ATF7IP: variants seen among roughly 807,000 people sequenced by gnomAD.
The protein encoded by ATF7IP is activating transcription factor 7 interacting protein.
Under a neutral mutation model 106.4 loss-of-function variants are expected in ATF7IP, and 23 were observed. The ratio of observed to expected loss-of-function variants is 0.22; its 90% CI spans 0.16 to 0.31. The LOEUF is 0.31. ATF7IP is among the 10% of genes least tolerant of loss of function. The pLI, the probability that ATF7IP is intolerant of heterozygous loss-of-function variation, is 1.00. For synonymous variants in ATF7IP, 542 were observed against 539.0 expected (o/e 1.01, Z -0.08); for missense variants, 1,334 against 1,524.3 (o/e 0.88, Z 2.08).
intron 13 of ATF7IP, among the ~76,000 whole-genome samples, chr12:14,487,847 C>T (rs932954234): frequency 2.0e-5 from 3 of 152,128 alleles, no homozygotes; most frequent in Admixed American, 6.5e-5. Context: ...TAGGAGGAAC[C>T]GACCAGTTTC....
intron 1 of ATF7IP, among the ~76,000 whole-genome samples, chr12:14,372,592 G>A (rs1379847082): frequency 6.6e-6 from 1 of 151,968 alleles, no homozygotes. Flanking sequence ...TCAGAAATAT[G>A]CACTTATTCA....
intron 13 of ATF7IP, among the ~76,000 whole-genome samples, chr12:14,484,422 G>C (rs1944524235): frequency 6.6e-6 from 1 of 152,174 alleles, no homozygotes; most frequent in South Asian, 2.1e-4. Flanking sequence ...TATCTTCATA[G>C]TTTTTGTTAC....
chr12:14,481,166 G>A lies in ATF7IP; in HGVS notation c.3261G>A (p.Arg1087=), dbSNP rs1166543396. The A allele has an allele frequency of 6.8e-6, 11 of 1,613,762 alleles. No homozygotes were observed. The highest frequency in any genetic ancestry group is 9.3e-6 in the Non-Finnish European group (11 of 1,179,944). ...CTGTTATGCAGGCTCCTGCTGTTCG[G>A]CAGGTCAATCCCCAAAATAGTAAGA... The part of the protein sequence containing the change: ...RGTVMQAPAV[R]QVNPQNSVTV... The change falls in exon 13 of 15, where the codon CGG becomes CGA. Residue 1087 remains arginine (R), a synonymous_variant. Transcript: ENST00000261168.
chr12:14,469,160 C>G (rs1943944698), intron 10 of ATF7IP, among the ~76,000 whole-genome samples: 2 of 152,012 alleles, frequency 1.3e-5, no homozygotes, highest in African/African-American at 2.4e-5. Context: ...CACTTGAGGT[C>G]AGGAGTTCGA....
intron 1 of ATF7IP, among the ~76,000 whole-genome samples, chr12:14,368,685 T>C (rs905131522): frequency 7.9e-5 from 12 of 152,180 alleles, no homozygotes; most frequent in African/African-American, 2.9e-4. Flanking sequence ...AGTAGCTCAT[T>C]AACTTTTTTT....
intron 6 of ATF7IP, among the ~76,000 whole-genome samples, chr12:14,454,593 C>T (rs1164966766): frequency 6.6e-6 from 1 of 152,158 alleles, no homozygotes; most frequent in Non-Finnish European, 1.5e-5. Flanking sequence ...ATTTTCCTAA[C>T]TGTTCCAGTG....
At chr12:14,440,636 AC>A (rs11355151) in intron 5 of ATF7IP, among the ~76,000 whole-genome samples, 46,452 of 152,102 alleles carry the variant, frequency 0.31, 8,240 homozygotes, top group Admixed American at 0.45. Context: ...AAATTCAGAT[AC>A]CAAACTGTTT....
intron 13 of ATF7IP, among the ~76,000 whole-genome samples, chr12:14,495,562 A>G (rs1292796585): frequency 6.6e-6 from 1 of 152,216 alleles, no homozygotes; most frequent in Non-Finnish European, 1.5e-5. Context: ...AATAAATGGC[A>G]GGAATATAGT....
intron 1 of ATF7IP, among the ~76,000 whole-genome samples, chr12:14,377,595 G>A (rs1336318305): frequency 3.3e-5 from 5 of 151,462 alleles, no homozygotes; most frequent in Admixed American, 2.0e-4. Flanking sequence ...GACCTCGTGA[G>A]CCACCGCGCC....
intron 1 of ATF7IP, among the ~76,000 whole-genome samples, chr12:14,371,442 C>A (rs1158892677): frequency 6.6e-6 from 1 of 151,878 alleles, no homozygotes; most frequent in Non-Finnish European, 1.5e-5. Context: ...AGATATTTTA[C>A]TTTTTTGTGA....
chr12:14,392,049 C>CAA (rs1419021503), intron 1 of ATF7IP, among the ~76,000 whole-genome samples: 2 of 152,062 alleles, frequency 1.3e-5, no homozygotes, highest in African/African-American at 4.8e-5. Flanking sequence ...TGGAATGAGG[C>CAA]AAGTTACTTA....
intron 1 of ATF7IP, among the ~76,000 whole-genome samples, chr12:14,399,742 C>G (rs1425707320): frequency 6.6e-6 from 1 of 151,892 alleles, no homozygotes; most frequent in Non-Finnish European, 1.5e-5. Context: ...TTTTAATATA[C>G]TATTTTAAAA....
intron 12 of ATF7IP, 52 bp downstream of exon 12, chr12:14,478,524 T>C: frequency 6.3e-7 from 1 of 1,591,196 alleles, no homozygotes; most frequent in South Asian, 1.1e-5. Flanking sequence ...TGTAGAGAAC[T>C]ATGACTATGG....
At position 14,498,911 on chromosome 12, in the gene ATF7IP, A is replaced by G. The variant is rs758283378; in HGVS notation, c.*838A>G. On this transcript the variant is annotated 3_prime_UTR_variant, in exon 15 of 15. Transcript: ENST00000261168. ...GCCCAGGCTAGAGTGCGGTGGCACA[A>G]TCTTGGCTCACTGCAACCTCTGCCT... 2.6e-5 allele frequency: 4 copies of G among 152,434 alleles called. No individual in the cohort carries two copies. The highest frequency in any genetic ancestry group is 5.8e-5 in the Non-Finnish European group (4 of 68,442). 9.4% of individuals were successfully genotyped at this position (152,434 alleles called of 1,614,324 possible).
chr12:14,452,842 CTT>C (rs1317911953), intron 6 of ATF7IP, among the ~76,000 whole-genome samples: 1 of 152,134 alleles, frequency 6.6e-6, no homozygotes, highest in Non-Finnish European at 1.5e-5. Context: ...TGCATACACT[CTT>C]TAGTTTCCAC....
chr12:14,430,045 A>G (rs888304078), intron 2 of ATF7IP, among the ~76,000 whole-genome samples: 6 of 152,246 alleles, frequency 3.9e-5, no homozygotes, highest in Admixed American at 6.5e-5. Context: ...GAGTAAGTAT[A>G]CATGGAGAAA....
chr12:14,473,680 T>A (rs1318885745), intron 10 of ATF7IP, among the ~76,000 whole-genome samples: 3 of 152,116 alleles, frequency 2.0e-5, no homozygotes, highest in African/African-American at 7.2e-5. Context: ...GTCCTTAAGC[T>A]CATCTTTACA....
At chr12:14,469,232 C>T (rs891546755) in intron 10 of ATF7IP, among the ~76,000 whole-genome samples, 12 of 151,794 alleles carry the variant, frequency 7.9e-5, no homozygotes, top group South Asian at 4.2e-4. Context: ...TGGTGGTGCA[C>T]GCTTGTAATC....
rs554345372 is a variant in ATF7IP, at chr12:14,431,778, G to A, written c.1559-2559G>A. 2.0e-5 allele frequency among the ~76,000 whole-genome samples: 3 copies of A among 152,244 alleles called. No individual in the cohort carries two copies. The South Asian group carries it at 6.2e-4, about 32-fold the overall frequency. ...TGAAATTATGTCTAAAGTTGTCTGT[G>A]TACCAAGGGCCTTTGATTATTACTC... On this transcript the variant is annotated intron_variant, in intron 2 of 14. Transcript: ENST00000261168.
Sources: gnomAD v4.1 joint callset for allele counts (sites outside exome capture counted in the v4.1 genomes callset) on GRCh38, gnomAD v4.1.1 for gene constraint, MANE v1.5 for transcripts, NCBI Gene and HGNC (gene_info 2026-07-23, HGNC 2026-07-21) for gene names.